The following SVEP1 variants were observed in gnomAD, a reference collection of about 807,000 sequenced individuals.
SVEP1 encodes sushi, von Willebrand factor type A, EGF and pentraxin domain containing 1.
Under a neutral mutation model 367.3 loss-of-function variants are expected in SVEP1, and 164 were observed. The observed-to-expected ratio is 0.45, with a 90% CI of 0.39 to 0.51. The LOEUF is 0.51. Among genes scored for constraint, SVEP1 ranks in the 20% least tolerant of loss-of-function variants. SVEP1 has a pLI of 0.00. For missense variants in SVEP1, 4,117 were observed against 4,425.3 expected (o/e 0.93, Z 1.98); for synonymous variants, 1,666 against 1,611.6 (o/e 1.03, Z -0.81).
At chr9:110,433,323 C>A (rs1243636001) in intron 30 of SVEP1, among the ~76,000 whole-genome samples, 1 of 134,962 alleles carries the variant, frequency 7.4e-6, no homozygotes, top group East Asian at 2.3e-4. Context: ...CAAACAAAAT[C>A]CCTGCCTTAT....
chr9:110,449,967 T>C (rs1343227446), intron 24 of SVEP1, 92 bp downstream of exon 24: 44 of 1,411,856 alleles, frequency 3.1e-5, no homozygotes, highest in Non-Finnish European at 4.0e-5. Context: ...ATGACTGACT[T>C]GAGACTCAAA....
At chr9:110,569,315 G>C (rs896757294) in intron 1 of SVEP1, among the ~76,000 whole-genome samples, 17 of 151,930 alleles carry the variant, frequency 1.1e-4, no homozygotes, top group South Asian at 2.1e-4. Flanking sequence ...AATTAGCTGA[G>C]CATGGTGGTG....
intron 3 of SVEP1, among the ~76,000 whole-genome samples, chr9:110,524,493 G>A (rs1463758736): frequency 1.3e-5 from 2 of 152,072 alleles, no homozygotes; most frequent in Non-Finnish European, 2.9e-5. Flanking sequence ...GGGAGGCAAG[G>A]CTGGTTCAAT....
Position 110,430,323 on chromosome 9 carries a change from G to T in SVEP1, c.5481C>A (p.Ile1827=). ...TCCATTCTCCAGACTCCAAACATGT[G>T]ATTTTGGTTACTCCCATCAACTGGT... The part of the protein sequence containing the change: ...EGYQLMGVTK[I]TCLESGEWNH... The change falls in exon 33 of 48, where the codon ATC becomes ATA. Residue 1827 remains isoleucine (I), a synonymous_variant. Coordinates refer to ENST00000374469, the MANE Select transcript of SVEP1 (RefSeq NM_153366.4). 6.2e-7 allele frequency: 1 copy of T among 1,613,412 alleles called. No homozygotes were observed. Among genetic ancestry groups the T allele is most frequent in the South Asian group, 1.1e-5 (1 of 90,984 alleles).
chr9:110,423,549 G>A (rs1443200867), intron 36 of SVEP1, among the ~76,000 whole-genome samples: 4 of 152,112 alleles, frequency 2.6e-5, no homozygotes, highest in Admixed American at 2.6e-4. Flanking sequence ...AAGTCTTCAA[G>A]TTGTTCAGGA....
intron 17 of SVEP1, 139 bp downstream of exon 17, chr9:110,468,801 T>A (rs1228967135): frequency 1.3e-6 from 1 of 793,436 alleles, no homozygotes; most frequent in African/African-American, 1.7e-5. Context: ...GTGTATGCTT[T>A]TCTCTTGCAA....
At chr9:110,457,135 G>T in intron 21 of SVEP1, 121 bp downstream of exon 21, 3 of 684,750 alleles carry the variant, frequency 4.4e-6, no homozygotes, top group Non-Finnish European at 6.8e-6. Context: ...ACAAATTTTG[G>T]CACATTTACA....
chr9:110,481,263 T>C lies in SVEP1; in HGVS notation c.2344A>G (p.Thr782Ala), dbSNP rs1295252023. 6.3e-7 allele frequency: 1 copy of C among 1,591,082 alleles called. No homozygotes were observed. The highest frequency in any genetic ancestry group is 8.6e-7 in the Non-Finnish European group (1 of 1,168,136). The change falls in exon 12 of 48, where the codon ACT becomes GCT. Residue 782 changes from threonine (T) to alanine (A), a missense_variant. Thr to Ala is a moderately conservative substitution (Grantham distance 58, BLOSUM62 0). Around this residue, in one of 4 missense-constraint regions of SVEP1, gnomAD observed 2,174 missense variants for 2,494.3 expected, o/e 0.87. Transcript: ENST00000374469. ...TTACTGGCACAGTCTGGCCATTCAGTGGTATATGTTGGTTTCCAGACGCCA... is the reference window on the plus strand; with the variant it reads ...TTACTGGCACAGTCTGGCCATTCAGCGGTATATGTTGGTTTCCAGACGCCA... ...EDGVWKPTYT[T>A]EWPDCAKKRF...
chr9:110,389,526 T>A lies in SVEP1; in HGVS notation c.9884A>T (p.Lys3295Ile). 2 of 1,613,682 alleles carry A rather than the reference T, an allele frequency of 1.2e-6. No homozygotes were observed. Among genetic ancestry groups the A allele is most frequent in the Non-Finnish European group, 1.7e-6 (2 of 1,179,744 alleles). The change falls in exon 41 of 48, where the codon AAA becomes ATA. Residue 3295 changes from lysine (K) to isoleucine (I), a missense_variant and splice_region_variant. By Grantham distance (102) the Lys-to-Ile change is moderately radical. Around this residue, in one of 4 missense-constraint regions of SVEP1, gnomAD observed 1,765 missense variants for 1,781.1 expected, o/e 0.99. Coordinates refer to ENST00000374469, the MANE Select transcript of SVEP1 (RefSeq NM_153366.4). ...RQWSGGVAIC[K>I]ETRCETPLEF... ...CTGCTAAGTGTCATTCAACTCACCT[T>A]TGCATATTGCCACCCCTCCACTCCA...
chr9:110,445,140 A>G (rs946158258), intron 26 of SVEP1, among the ~76,000 whole-genome samples: 1 of 152,310 alleles, frequency 6.6e-6, no homozygotes, highest in South Asian at 2.1e-4. Flanking sequence ...CACATGTTTA[A>G]AAAAGCAGTG....
intron 36 of SVEP1, among the ~76,000 whole-genome samples, chr9:110,415,592 A>ACACAG (rs1304218423): frequency 6.6e-6 from 1 of 152,100 alleles, no homozygotes; most frequent in African/African-American, 2.4e-5. Flanking sequence ...CTGGAACAAG[A>ACACAG]CACAGGGCAT....
chr9:110,408,342 T>C lies in SVEP1; in HGVS notation c.7258A>G (p.Thr2420Ala). 6.2e-7 allele frequency: 1 copy of C among 1,613,830 alleles called. No individual in the cohort carries two copies. Among genetic ancestry groups the C allele is most frequent in the Non-Finnish European group, 8.5e-7 (1 of 1,179,838 alleles). Residue 2420 changes from threonine to alanine, a missense_variant, in exon 38 of 48, where the codon ACC becomes GCC. Around this residue, in one of 4 missense-constraint regions of SVEP1, gnomAD observed 1,765 missense variants for 1,781.1 expected, o/e 0.99. Coordinates refer to ENST00000374469, the MANE Select transcript of SVEP1 (RefSeq NM_153366.4). ...CAGGTGCCATCAGGTTGGCAGAGGG[T>C]GGTAGAATTTCCTCTTAGGAAAAAC... Reference protein sequence around the residue: ...GGFFLRGNSTTLCQPDGTWSS... With the variant: ...GGFFLRGNSTALCQPDGTWSS...
chr9:110,509,576 T>A (rs968829691), intron 5 of SVEP1, among the ~76,000 whole-genome samples: 40 of 152,234 alleles, frequency 2.6e-4, no homozygotes, highest in Admixed American at 1.3e-4. Flanking sequence ...AGTTGTGTGA[T>A]GATGGCTCAC....
intron 1 of SVEP1, among the ~76,000 whole-genome samples, chr9:110,572,822 A>G (rs55726387): frequency 0.16 from 21,176 of 135,498 alleles, 2,196 homozygotes; most frequent in East Asian, 0.42. Flanking sequence ...AAAAATGAGT[A>G]CTACTTTTTT....
intron 8 of SVEP1, among the ~76,000 whole-genome samples, chr9:110,495,533 A>T (rs1588080662): frequency 6.6e-6 from 1 of 152,150 alleles, no homozygotes; most frequent in East Asian, 1.9e-4. Context: ...TTCAAATCAG[A>T]TTTAAAAGCT....
intron 1 of SVEP1, among the ~76,000 whole-genome samples, chr9:110,566,587 T>G (rs1392744254): frequency 1.3e-5 from 2 of 152,128 alleles, no homozygotes; most frequent in Non-Finnish European, 1.5e-5. Flanking sequence ...TGAAAACCAG[T>G]AATCATGCTT....
chr9:110,544,539 C>T (rs1303777689), intron 3 of SVEP1, among the ~76,000 whole-genome samples: 3 of 152,094 alleles, frequency 2.0e-5, no homozygotes, highest in African/African-American at 7.2e-5. Context: ...TCTTGCCTCT[C>T]TAATAAGATA....
Position 110,386,060 on chromosome 9 carries a change from CAG to C in SVEP1, c.10073_10074del (p.Pro3358ArgfsTer13). 6.2e-7 allele frequency: 1 copy of C among 1,613,034 alleles called. No individual in the cohort carries two copies. Among genetic ancestry groups the C allele is most frequent in the Non-Finnish European group, 8.5e-7 (1 of 1,179,522 alleles). ...GCATTCTCGGGAATCACAAAAGGAA[CAG>C]GGCATGGATTTGCTGTCAAAAAGAA... is the stretch of plus-strand genomic sequence containing the variant. The part of the protein sequence containing the change: ...PVPLCKPNPC[P>X]VPFVIPENAL... On this transcript the variant is annotated frameshift_variant, in exon 43 of 48. Transcript: ENST00000374469. LOFTEE classifies it high-confidence loss of function.
At position 110,496,736 on chromosome 9, in the gene SVEP1, T is replaced by G. The variant is rs192872787; in HGVS notation, c.1800+79A>C. ...AATACAAGTATTACCATGAGCATATTAGTAAGTCTTCAACACACATATCTG... is the reference window on the plus strand; with the variant it reads ...AATACAAGTATTACCATGAGCATATGAGTAAGTCTTCAACACACATATCTG... On this transcript the variant is annotated intron_variant, in intron 8 of 47. Coordinates refer to ENST00000374469, the MANE Select transcript of SVEP1 (RefSeq NM_153366.4). 6.6e-5 allele frequency: 65 copies of G among 991,478 alleles called. No homozygotes were observed. The East Asian group carries it at 1.7e-3, about 26-fold the overall frequency. The allele number at this position is 991,478 out of a possible 1,614,324, so 61.4% of individuals were successfully genotyped here. A position where few individuals can be genotyped will look rare whatever the true frequency, so the allele number is the denominator to read the frequency against.
Sources: allele counts gnomAD v4.1 joint callset (sites outside exome capture counted in the v4.1 genomes callset), GRCh38; gene constraint gnomAD v4.1.1; regional missense constraint gnomAD v4.1.1; transcripts MANE v1.5; gene names NCBI Gene and HGNC (gene_info 2026-07-23, HGNC 2026-07-21).